Variants in RBFOX1 observed in about 807,000 individuals in gnomAD.
RBFOX1 encodes the protein RNA binding protein fox-1 homolog 1.
A neutral mutation model predicts 57.7 loss-of-function variants in RBFOX1; 8 were observed. The observed-to-expected ratio is 0.14, with a 90% CI of 0.08 to 0.25. The LOEUF (loss-of-function observed/expected upper bound fraction) is 0.25, where lower values mean the gene tolerates loss of function less well. Ranked by LOEUF, RBFOX1 falls within the 10% of genes least tolerant of loss-of-function variation. The probability of loss-of-function intolerance (pLI) is 1.00; values close to 1 mark genes in which losing one functional copy is unlikely to be tolerated. For synonymous variants in RBFOX1, 326 were observed against 222.4 expected, an observed-to-expected ratio of 1.47 and a Z score of -4.15; for missense variants, 611 against 548.5, an observed-to-expected ratio of 1.11 and a Z score of -1.14.
intron 4 of RBFOX1, among the ~76,000 whole-genome samples, chr16:7,471,863 G>A (rs957656771): frequency 2.0e-5 from 3 of 152,186 alleles, no homozygotes; most frequent in African/African-American, 7.2e-5. Flanking sequence ...CTGGGAAGAG[G>A]TGTCACTAGT....
intron 1 of RBFOX1, among the ~76,000 whole-genome samples, chr16:5,292,244 G>A (rs1001576571): frequency 3.3e-5 from 5 of 152,214 alleles, no homozygotes; most frequent in Non-Finnish European, 5.9e-5. Context: ...GCAGGAGGTT[G>A]ACTCCCAGCT....
chr16:7,463,378 C>G (rs182644289), intron 4 of RBFOX1, among the ~76,000 whole-genome samples: 3 of 152,240 alleles, frequency 2.0e-5, no homozygotes, highest in African/African-American at 7.2e-5. Context: ...ATTGTGGGTG[C>G]CTGTAATCTC....
intron 1 of RBFOX1, among the ~76,000 whole-genome samples, chr16:5,389,043 T>A (rs1188363278): frequency 6.6e-6 from 1 of 151,120 alleles, no homozygotes; most frequent in African/African-American, 2.4e-5. Context: ...TACAAAAAAT[T>A]AGCCTGGCGT....
At chr16:6,571,639 T>C (rs2097346080) in intron 2 of RBFOX1, among the ~76,000 whole-genome samples, 1 of 152,062 alleles carries the variant, frequency 6.6e-6, no homozygotes, top group African/African-American at 2.4e-5. Context: ...TTACAGAGAA[T>C]CTTGGGGTTC....
Position 6,922,877 on chromosome 16 carries a change from T to A in RBFOX1, c.-15-129180T>A, listed in dbSNP as rs112243762. The stretch of plus-strand genomic sequence containing the variant: ...GAGCATTTCCATTTCTAGGTGTACC[T>A]TGGGAAGTCTTAAACAAGGGGGTCT... On this transcript the variant is annotated intron_variant, in intron 3 of 15. Coordinates refer to ENST00000550418, the MANE Select transcript of RBFOX1 (RefSeq NM_018723.4). Among the ~76,000 whole-genome samples, 250 of 152,316 alleles carry A rather than the reference T, an allele frequency of 1.6e-3. 1 individual carries two copies. Among genetic ancestry groups the A allele is most frequent in the African/African-American group, 5.6e-3 (232 of 41,564 alleles).
chr16:6,073,362 G>T (rs190027594), intron 1 of RBFOX1, among the ~76,000 whole-genome samples: 3 of 152,264 alleles, frequency 2.0e-5, no homozygotes, highest in Admixed American at 1.3e-4. Flanking sequence ...TCTGGGATGG[G>T]TCATGGGCCC....
At chr16:5,745,824 G>A (rs1035254445) in intron 3 of RBFOX1, among the ~76,000 whole-genome samples, 4 of 152,140 alleles carry the variant, frequency 2.6e-5, no homozygotes, top group African/African-American at 4.8e-5. Flanking sequence ...GTTCATTGTA[G>A]ATTCTGGATA....
chr16:6,924,157 ACT>A (rs1430917145), intron 3 of RBFOX1, among the ~76,000 whole-genome samples: 6 of 137,398 alleles, frequency 4.4e-5, no homozygotes, highest in Non-Finnish European at 6.3e-5. Context: ...TGACAGGAAG[ACT>A]CTGTCTCAAA....
intron 3 of RBFOX1, among the ~76,000 whole-genome samples, chr16:5,666,451 C>G (rs895034389): frequency 6.6e-6 from 1 of 152,168 alleles, no homozygotes; most frequent in African/African-American, 2.4e-5. Flanking sequence ...CACTTTGTTC[C>G]CTGGATCTCT....
intron 4 of RBFOX1, among the ~76,000 whole-genome samples, chr16:7,124,160 A>T (rs1388443210): frequency 6.6e-6 from 1 of 152,204 alleles, no homozygotes; most frequent in Non-Finnish European, 1.5e-5. Flanking sequence ...AGCTGGTGGC[A>T]TGGTGGCTCA....
intron 4 of RBFOX1, among the ~76,000 whole-genome samples, chr16:7,153,964 A>G (rs1219146508): frequency 6.6e-6 from 1 of 152,160 alleles, no homozygotes; most frequent in African/African-American, 2.4e-5. Flanking sequence ...AGATAAAGAG[A>G]AAAAGCATTC....
intron 4 of RBFOX1, among the ~76,000 whole-genome samples, chr16:7,159,500 C>G (rs987054733): frequency 3.3e-5 from 5 of 152,190 alleles, no homozygotes; most frequent in African/African-American, 1.2e-4. Context: ...TAGTGATAGG[C>G]TGGAAATCAC....
At chr16:5,882,459 TG>T (rs1412639343) in intron 4 of RBFOX1, among the ~76,000 whole-genome samples, 27 of 152,262 alleles carry the variant, frequency 1.8e-4, no homozygotes, top group African/African-American at 6.3e-4. Flanking sequence ...TCTCATAAAC[TG>T]CAAGGGTGCC....
intron 4 of RBFOX1, among the ~76,000 whole-genome samples, chr16:7,186,203 T>C (rs2083711367): frequency 6.7e-6 from 1 of 148,784 alleles, no homozygotes; most frequent in African/African-American, 2.5e-5. Flanking sequence ...TAAATATAAA[T>C]GTGTATATAA....
At chr16:5,394,213 A>G (rs901514767) in intron 1 of RBFOX1, among the ~76,000 whole-genome samples, 14 of 152,066 alleles carry the variant, frequency 9.2e-5, no homozygotes, top group Non-Finnish European at 1.9e-4. Flanking sequence ...TAGTAGAGAC[A>G]GGGCTTCACC....
intron 2 of RBFOX1, chr16:6,483,755 G>A: frequency 7.0e-7 from 1 of 1,420,910 alleles, no homozygotes. Context: ...CAGAGGAGCA[G>A]CCGTCAGCCG....
chr16:5,813,305 TA>T (rs2055501849), intron 3 of RBFOX1, among the ~76,000 whole-genome samples: 1 of 152,216 alleles, frequency 6.6e-6, no homozygotes, highest in Non-Finnish European at 1.5e-5. Flanking sequence ...TCAGTGGTGT[TA>T]AATGCACCCA....
intron 3 of RBFOX1, among the ~76,000 whole-genome samples, chr16:7,047,667 A>G (rs947824435): frequency 2.0e-5 from 3 of 147,016 alleles, no homozygotes; most frequent in African/African-American, 5.0e-5. Flanking sequence ...GAATTTCAGT[A>G]ACATGAAATA....
chr16:7,366,724 C>A (rs1244977917), intron 4 of RBFOX1, among the ~76,000 whole-genome samples: 1 of 151,696 alleles, frequency 6.6e-6, no homozygotes, highest in African/African-American at 2.4e-5. Context: ...GCCAGAGACC[C>A]AATTATGGCA....
Sources: gnomAD v4.1 joint callset for allele counts (sites outside exome capture counted in the v4.1 genomes callset) on GRCh38, gnomAD v4.1.1 for gene constraint, MANE v1.5 for transcripts, NCBI Gene and HGNC (gene_info 2026-07-23, HGNC 2026-07-21) for gene names.